The following RGS6 variants were observed in gnomAD, a reference collection of about 807,000 sequenced individuals.
RGS6 encodes the protein regulator of G protein signaling 6, also known as regulator of G-protein signaling 6.
In RGS6, 30 loss-of-function variants were observed where a neutral mutation model predicts 78.5. The observed-to-expected ratio is 0.38, with a 90% confidence interval of 0.29 to 0.52. RGS6 has a LOEUF of 0.52. Ranked by LOEUF, RGS6 falls within the 20% of genes least tolerant of loss-of-function variation. RGS6 has a pLI of 0.85. For synonymous variants in RGS6, 206 were observed against 206.0 expected, an observed-to-expected ratio of 1.00 and a Z score of 0.00; for missense variants, 495 against 609.7, an observed-to-expected ratio of 0.81 and a Z score of 1.98.
chr14:72,604,761 T>C, the RGS6 span, among the ~76,000 whole-genome samples: 1 of 152,138 alleles, frequency 6.6e-6, no homozygotes, highest in Non-Finnish European at 1.5e-5. Flanking sequence ...GTTTTCCCTC[T>C]CTGTTTTGGG....
chr14:71,890,358 C>CAGACAGACAGAGAGAGAGAGAGAGAGAG, the RGS6 span, among the ~76,000 whole-genome samples: 1 of 133,008 alleles, frequency 7.5e-6, no homozygotes, highest in African/African-American at 3.0e-5. Flanking sequence ...GTGCATAAGA[C>CAGACAGACAGAGAGAGAGAGAGAGAGAG]AGAGAGAGAG....
Position 72,517,017 on chromosome 14 carries a change from C to T in RGS6, c.1092-1334C>T, listed in dbSNP as rs577563101. 3 of 143,460 alleles carry T rather than the reference C, an allele frequency of 2.1e-5. No homozygotes were observed. In the East Asian group the frequency reaches 5.8e-4, roughly 28 times the overall value. The allele number at this position is 143,460 out of a possible 1,614,324, so 8.9% of individuals were successfully genotyped here. A position where few individuals can be genotyped will look rare whatever the true frequency, so the allele number is the denominator to read the frequency against. On this transcript the variant is annotated intron_variant, in intron 14 of 17. Coordinates refer to ENST00000553525, the MANE Select transcript of RGS6 (RefSeq NM_001204424.2). The stretch of plus-strand genomic sequence containing the variant: ...GACACACACACACACACACAGTCGT[C>T]TTGCCTTGCAGAAATTGGGTTGCAT...
At position 72,225,057 on chromosome 14, in the gene RGS6, A is replaced by G. The variant is rs964934051; in HGVS notation, c.85-127038A>G. Among the ~76,000 whole-genome samples the G allele has an allele frequency of 3.9e-5, 6 of 152,318 alleles. No individual in the cohort carries two copies. In the South Asian group the frequency reaches 8.3e-4, roughly 21 times the overall value. ...GCAAGCCTAGATGCCCCATTCACTC[A>G]TCAAGGCCTGATGCCATATTTAGCA... On this transcript the variant is annotated intron_variant, in intron 2 of 17. Transcript: ENST00000553525.
At chr14:71,981,044 T>C (rs2094423638) in intron 2 of RGS6, among the ~76,000 whole-genome samples, 1 of 148,392 alleles carries the variant, frequency 6.7e-6, no homozygotes, top group African/African-American at 2.5e-5. Flanking sequence ...TTTCTTCCAG[T>C]TGATCGCATC....
rs374645797 is a variant in RGS6 at position 72,319,338 on chromosome 14, C to G, written c.85-32757C>G. Among the ~76,000 whole-genome samples the G allele has an allele frequency of 2.6e-4, 39 of 151,364 alleles. No individual in the cohort carries two copies. In the East Asian group the frequency reaches 7.4e-3, roughly 29 times the overall value. ...TACACTGATGTAGCTCTCCAGAGAA[C>G]TGAAGGGGGAAATTTTTTTTTTTTT... On this transcript the variant is annotated intron_variant, in intron 2 of 17. Coordinates refer to ENST00000553525, the MANE Select transcript of RGS6 (RefSeq NM_001204424.2).
chr14:72,510,468 C>T (rs2096865006), intron 14 of RGS6, among the ~76,000 whole-genome samples, 189 bp downstream of exon 14: 1 of 152,200 alleles, frequency 6.6e-6, no homozygotes. Context: ...CATAATAGCA[C>T]CTACTAACAC....
At chr14:72,532,084 CTG>C (rs1410404299) in intron 15 of RGS6, among the ~76,000 whole-genome samples, 2 of 152,168 alleles carry the variant, frequency 1.3e-5, no homozygotes, top group South Asian at 2.1e-4. Flanking sequence ...CTTATAGATT[CTG>C]TGTTTTTTAC....
Position 72,438,219 on chromosome 14 carries a change from A to C in RGS6, c.185-16309A>C, listed in dbSNP as rs186000028. 2.5e-3 allele frequency among the ~76,000 whole-genome samples: 384 copies of C among 152,308 alleles called. 1 individual carries two copies. The highest frequency in any genetic ancestry group is 5.2e-3 in the Admixed American group (80 of 15,302). On this transcript the variant is annotated intron_variant, in intron 3 of 17. Transcript: ENST00000553525. ...AGCTCAGGTGACAGGAGACATTCCA[A>C]ATTGAGAACAGACATGCCAGGGGTC...
chr14:72,573,663 C>T, the RGS6 span, among the ~76,000 whole-genome samples: 1 of 152,174 alleles, frequency 6.6e-6, no homozygotes, highest in Non-Finnish European at 1.5e-5. Flanking sequence ...CCACTTCTAT[C>T]TACCCCAGTC....
At chr14:72,412,435 C>T (rs189407856) in intron 3 of RGS6, among the ~76,000 whole-genome samples, 135 of 151,728 alleles carry the variant, frequency 8.9e-4, no homozygotes, top group African/African-American at 2.7e-3. Flanking sequence ...TTTTTTATTG[C>T]GTCTATTTGA....
At chr14:72,060,606 C>A (rs1359525376) in intron 2 of RGS6, among the ~76,000 whole-genome samples, 8 of 152,104 alleles carry the variant, frequency 5.3e-5, no homozygotes, top group Non-Finnish European at 8.8e-5. Context: ...GAGGTCAGAG[C>A]CAGTTTTTAT....
At chr14:72,321,538 G>A (rs7147236) in intron 2 of RGS6, among the ~76,000 whole-genome samples, 20,069 of 151,890 alleles carry the variant, frequency 0.13, 1,303 homozygotes, top group East Asian at 0.16. Context: ...CAACAAAAAG[G>A]AAAGTAGAGG....
At chr14:72,130,285 C>G (rs1409370026) in intron 2 of RGS6, among the ~76,000 whole-genome samples, 1 of 152,138 alleles carries the variant, frequency 6.6e-6, no homozygotes, top group East Asian at 1.9e-4. Flanking sequence ...TTTTCACCAA[C>G]CAGAAAGTTC....
the RGS6 span, among the ~76,000 whole-genome samples, chr14:72,610,090 A>C: frequency 6.6e-6 from 1 of 152,252 alleles, no homozygotes; most frequent in Non-Finnish European, 1.5e-5. Flanking sequence ...GAGACAAGCA[A>C]GCATTTTGGA....
intron 2 of RGS6, among the ~76,000 whole-genome samples, chr14:71,984,245 T>C (rs1004134786): frequency 6.7e-6 from 1 of 149,814 alleles, no homozygotes; most frequent in African/African-American, 2.5e-5. Flanking sequence ...AATTTGAATC[T>C]AGATTTGTTG....
intron 3 of RGS6, among the ~76,000 whole-genome samples, chr14:72,358,314 G>A (rs889345377): frequency 6.6e-6 from 1 of 152,320 alleles, no homozygotes; most frequent in African/African-American, 2.4e-5. Flanking sequence ...GCTGTAAGAA[G>A]AGGGCCACTG....
the RGS6 span, among the ~76,000 whole-genome samples, chr14:71,914,877 T>C: frequency 2.6e-5 from 4 of 151,956 alleles, no homozygotes; most frequent in Non-Finnish European, 4.4e-5. Context: ...AGAGTAGATA[T>C]CTGTAGATTT....
rs12590975 is a variant in RGS6, at chr14:72,040,450, G to A, written c.84+75575G>A. ...GTATATTATCTCACTTCCTTCTGGC[G>A]TATAAACTTTCTGCTGAGAAATCTG... On this transcript the variant is annotated intron_variant, in intron 2 of 17. Transcript: ENST00000553525. Among the ~76,000 whole-genome samples the A allele has an allele frequency of 7.1e-3, 1,076 of 151,576 alleles. 24 individuals are homozygous for A. Among genetic ancestry groups the A allele is most frequent in the East Asian group, 0.054 (281 of 5,166 alleles).
At chr14:72,108,919 C>T (rs2095691209) in intron 2 of RGS6, among the ~76,000 whole-genome samples, 1 of 151,898 alleles carries the variant, frequency 6.6e-6, no homozygotes, top group African/African-American at 2.4e-5. Flanking sequence ...TATTCGTTTT[C>T]CTCTTTTATC....
Sources: gnomAD v4.1 joint callset for allele counts (sites outside exome capture counted in the v4.1 genomes callset) on GRCh38, gnomAD v4.1.1 for gene constraint, MANE v1.5 for transcripts, NCBI Gene and HGNC (gene_info 2026-07-23, HGNC 2026-07-21) for gene names.